Variants in ESPN observed in about 807,000 individuals in gnomAD.
ESPN encodes autosomal recessive deafness type 36 protein.
In ESPN, 68 loss-of-function variants were observed where a neutral mutation model predicts 77.7. That is an observed-to-expected ratio of 0.87 (90% CI 0.72 to 1.07). The LOEUF (loss-of-function observed/expected upper bound fraction) is 1.07. Ranked by LOEUF, ESPN falls within the 50% of genes least tolerant of loss-of-function variation. ESPN has a pLI of 0.00. For synonymous variants in ESPN, 449 were observed against 567.1 expected, an observed-to-expected ratio of 0.79 and a Z score of 2.96; for missense variants, 1,060 against 1,239.0, an observed-to-expected ratio of 0.86 and a Z score of 2.17.
chr1:6,440,516 C>A, intron 3 of ESPN, 76 bp downstream of exon 3: 1 of 484,562 alleles, frequency 2.1e-6, no homozygotes, highest in Non-Finnish European at 2.6e-6. Context: ...GGAGCGGGGC[C>A]ATCAGGGGTG....
chr1:6,460,338 G>A lies in ESPN; in HGVS notation c.*192G>A, dbSNP rs557596318. On this transcript the variant is annotated 3_prime_UTR_variant, in exon 13 of 13. Coordinates refer to ENST00000645284, the MANE Select transcript of ESPN (RefSeq NM_031475.3). ...AACACTGGAGTGCACACGCCGCCACGGTTGCCCAGAAAAAGTGCCCAAGCT... is the reference window on the plus strand; with the variant it reads ...AACACTGGAGTGCACACGCCGCCACAGTTGCCCAGAAAAAGTGCCCAAGCT... 5 of 678,664 alleles carry A rather than the reference G, an allele frequency of 7.4e-6. No individual in the cohort carries two copies. The highest frequency in any genetic ancestry group is 1.2e-5 in the Non-Finnish European group (5 of 410,454). 42.0% of individuals were successfully genotyped at this position (678,664 alleles called of 1,614,324 possible). A position where few individuals can be genotyped will look rare whatever the true frequency, so the allele number is the denominator to read the frequency against.
chr1:6,455,110 C>A (rs1018369611), intron 10 of ESPN: 5 of 386,230 alleles, frequency 1.3e-5, no homozygotes, highest in Non-Finnish European at 2.3e-5. Context: ...CCCAGCGCCG[C>A]CGCCGCCCAC....
rs1376590401 is a variant in ESPN at position 6,451,581 on chromosome 1, C to T, written c.1916-22C>T. The stretch of plus-strand genomic sequence containing the variant: ...GATGCAGCCCCACCCTGGCCAGTGC[C>T]TCATCTCCTGCCTCCGCATAGGCAC... On this transcript the variant is annotated intron_variant, in intron 8 of 12. Transcript: ENST00000645284. The surrounding 1 kb of genome is among the most constrained non-coding windows in gnomAD (Gnocchi z 4.3). 6.2e-7 allele frequency: 1 copy of T among 1,610,008 alleles called. No homozygotes were observed. Among genetic ancestry groups the T allele is most frequent in the Non-Finnish European group, 8.5e-7 (1 of 1,178,516 alleles).
At chr1:6,446,154 C>T (rs943515760) in intron 7 of ESPN, among the ~76,000 whole-genome samples, 5 of 152,114 alleles carry the variant, frequency 3.3e-5, no homozygotes, top group African/African-American at 1.2e-4. Context: ...TCCATGGGAG[C>T]TGGGGGGTGA....
At position 6,451,977 on chromosome 1, in the gene ESPN, G is replaced by T. The variant is rs375388717; in HGVS notation, c.2206G>T (p.Val736Leu). The change falls in exon 10 of 13, where the codon GTG (valine) becomes TTG (leucine). Residue 736 changes from valine (V) to leucine (L), a missense_variant. Val to Leu is a conservative substitution (Grantham distance 32). Around this residue, in one of 3 missense-constraint regions of ESPN, gnomAD observed 374 missense variants for 381.4 expected, o/e 0.98. Coordinates refer to ENST00000645284, the MANE Select transcript of ESPN (RefSeq NM_031475.3). This position sits in a 1 kb window ranked among gnomAD's most constrained non-coding sequence, Gnocchi z 4.3. ...TTPAPGVQLDVEALIPTHDEQ... is the reference protein window; with the variant it reads ...TTPAPGVQLDLEALIPTHDEQ... ...TCCTGCGCCGGGAGTGCAGCTGGAC[G>T]TGGAGGCTCTCATCCCCACGCACGA... 6.2e-6 allele frequency: 10 copies of T among 1,609,680 alleles called. No individual in the cohort carries two copies. The Admixed American group carries it at 1.0e-4, about 16-fold the overall frequency.
Position 6,448,645 on chromosome 1 carries a change from GCTC to G in ESPN, c.1472_1474del (p.Ser491del). The G allele has an allele frequency of 6.4e-7, 1 of 1,561,808 alleles. No individual in the cohort carries two copies. Among genetic ancestry groups the G allele is most frequent in the Non-Finnish European group, 8.6e-7 (1 of 1,165,056 alleles). ...CCGGTCACTGTCTTCCCGCAGCTGA[GCTC>G]CTGTGACGGCCACGACGGGCTGCGG... is the stretch of plus-strand genomic sequence containing the variant. On this transcript the variant is annotated inframe_deletion, in exon 8 of 13. Coordinates refer to ENST00000645284, the MANE Select transcript of ESPN (RefSeq NM_031475.3).
Position 6,428,152 on chromosome 1 carries a change from G to A in ESPN, c.295-74G>A, listed in dbSNP as rs1464609846. ...ACAGAGCTACCTTCCAGGCCTGTGG[G>A]AGTCTGGGAGTGGCCCAAGCCAGGG... is the stretch of plus-strand genomic sequence containing the variant. On this transcript the variant is annotated intron_variant, in intron 1 of 12. Coordinates refer to ENST00000645284, the MANE Select transcript of ESPN (RefSeq NM_031475.3). The surrounding 1 kb of genome is among the most constrained non-coding windows in gnomAD (Gnocchi z 5.4). The A allele has an allele frequency of 6.7e-7, 1 of 1,483,072 alleles. No individual in the cohort carries two copies. Among genetic ancestry groups the A allele is most frequent in the Non-Finnish European group, 9.4e-7 (1 of 1,062,826 alleles). The allele number at this position is 1,483,072 out of a possible 1,614,324, so 91.9% of individuals were successfully genotyped here. A position where few individuals can be genotyped will look rare whatever the true frequency, so the allele number is the denominator to read the frequency against.
At chr1:6,443,352 A>G (rs1643714726) in intron 5 of ESPN, among the ~76,000 whole-genome samples, 1 of 152,242 alleles carries the variant, frequency 6.6e-6, no homozygotes. Flanking sequence ...CCACTGTCCC[A>G]GACTGCAGAG....
intron 10 of ESPN, 56 bp downstream of exon 10, chr1:6,452,152 C>T (rs1342202656): frequency 4.7e-6 from 7 of 1,486,162 alleles, no homozygotes; most frequent in Non-Finnish European, 6.3e-6. Context: ...ATGCACAGCC[C>T]ATCCCCCACG....
intron 5 of ESPN, among the ~76,000 whole-genome samples, chr1:6,443,527 C>T (rs747696832): frequency 3.4e-4 from 52 of 152,356 alleles, no homozygotes; most frequent in Non-Finnish European, 6.9e-4. Flanking sequence ...CTGATTCCTG[C>T]GGTAGGCAGC....
In ESPN at chr1:6,427,022, C is replaced by T. The variant is rs1557691558; in HGVS notation, c.295-1204C>T. The stretch of plus-strand genomic sequence containing the variant: ...TGGCCCCGGCGCCCCCAGCTCCCTC[C>T]GTGCCCTCTTTTCCTTGCATTTCTC... On this transcript the variant is annotated intron_variant, in intron 1 of 12. Transcript: ENST00000645284. The surrounding 1 kb of genome is among the most constrained non-coding windows in gnomAD (Gnocchi z 4.6). 6.6e-6 allele frequency among the ~76,000 whole-genome samples: 1 copy of T among 152,104 alleles called. No individual in the cohort carries two copies. The highest frequency in any genetic ancestry group is 2.1e-4 in the South Asian group (1 of 4,824).
At chr1:6,446,038 A>T in intron 7 of ESPN, 103 bp downstream of exon 7, 1 of 1,205,404 alleles carries the variant, frequency 8.3e-7, no homozygotes, top group Non-Finnish European at 1.2e-6. Context: ...TAGGGTGGGG[A>T]TCCCTGGGTC....
At chr1:6,445,268 G>C (rs1480744280) in intron 6 of ESPN, among the ~76,000 whole-genome samples, 13 of 152,234 alleles carry the variant, frequency 8.5e-5, no homozygotes, top group African/African-American at 3.1e-4. Flanking sequence ...CCTGAGCATG[G>C]GCGTCCGTCC....
rs1643087252 is a variant in ESPN, at chr1:6,427,627, C to A, written c.295-599C>A. Among the ~76,000 whole-genome samples, 1 of 152,232 alleles carries A rather than the reference C, an allele frequency of 6.6e-6. No individual in the cohort carries two copies. Among genetic ancestry groups the A allele is most frequent in the South Asian group, 2.1e-4 (1 of 4,822 alleles). On this transcript the variant is annotated intron_variant, in intron 1 of 12. Coordinates refer to ENST00000645284, the MANE Select transcript of ESPN (RefSeq NM_031475.3). The surrounding 1 kb of genome is among the most constrained non-coding windows in gnomAD (Gnocchi z 4.6). ...CACAGGCTGCTCCTGTGGCTGGGCACTGGCGAGTCTGCTGGGGGAGGGGCC... is the reference window on the plus strand; with the variant it reads ...CACAGGCTGCTCCTGTGGCTGGGCAATGGCGAGTCTGCTGGGGGAGGGGCC...
chr1:6,444,296 G>T (rs1480920011), intron 5 of ESPN, among the ~76,000 whole-genome samples, 185 bp from the exon 6 acceptor site: 4 of 152,212 alleles, frequency 2.6e-5, no homozygotes, highest in Non-Finnish European at 5.9e-5. Context: ...TGCCTGGCGG[G>T]GCTGGGCTTG....
chr1:6,459,870 C>T, intron 12 of ESPN, 129 bp from the exon 13 acceptor site: 1 of 1,143,600 alleles, frequency 8.7e-7, no homozygotes, highest in Non-Finnish European at 1.3e-6. Context: ...AACCGAGCCC[C>T]AGCCCTCAGT....
chr1:6,435,243 G>A (rs575270833), intron 2 of ESPN, among the ~76,000 whole-genome samples: 2 of 152,104 alleles, frequency 1.3e-5, no homozygotes, highest in African/African-American at 2.4e-5. Context: ...ACTGATCCTC[G>A]GATGGAGAGC....
chr1:6,432,548 G>A (rs370563226), intron 2 of ESPN, among the ~76,000 whole-genome samples: 18 of 152,346 alleles, frequency 1.2e-4, no homozygotes, highest in East Asian at 7.7e-4. Flanking sequence ...CCCAGCTGTC[G>A]TCTAACCGGG....
intron 7 of ESPN, 115 bp from the exon 8 acceptor site, chr1:6,448,526 A>G (rs1207881282): frequency 6.9e-6 from 6 of 871,476 alleles, no homozygotes; most frequent in Non-Finnish European, 1.0e-5. Flanking sequence ...CAGCTGCTGC[A>G]CCCCTCGACG....
Sources: allele counts gnomAD v4.1 joint callset (sites outside exome capture counted in the v4.1 genomes callset), GRCh38; gene constraint gnomAD v4.1.1; regional missense constraint gnomAD v4.1.1; non-coding constraint Gnocchi (gnomAD v3.1); transcripts MANE v1.5; gene names NCBI Gene and HGNC (gene_info 2026-07-23, HGNC 2026-07-21).